The following SYN2 variants were observed in gnomAD, a reference collection of about 807,000 sequenced individuals.
SYN2 encodes synapsin-2.
SYN2 carries 19 observed loss-of-function variants against 50.9 expected under a neutral mutation model. The ratio of observed to expected loss-of-function variants is 0.37; its 90% CI spans 0.26 to 0.55. The LOEUF (loss-of-function observed/expected upper bound fraction) is 0.55, where lower values mean the gene tolerates loss of function less well. SYN2 is among the 20% of genes least tolerant of loss of function. The probability of loss-of-function intolerance (pLI) is 0.81; values close to 1 mark genes in which losing one functional copy is unlikely to be tolerated. For missense variants in SYN2, 587 were observed against 576.4 expected, an observed-to-expected ratio of 1.02 and a Z score of -0.19; for synonymous variants, 255 against 224.9, an observed-to-expected ratio of 1.13 and a Z score of -1.20.
chr3:12,132,079 C>T (rs1696808604), intron 1 of SYN2, among the ~76,000 whole-genome samples: 1 of 139,814 alleles, frequency 7.2e-6, no homozygotes, highest in Admixed American at 7.5e-5. Context: ...ACCATGTTGG[C>T]CAGGCTGCAC....
intron 1 of SYN2, among the ~76,000 whole-genome samples, chr3:12,082,734 C>CT (rs1453728179): frequency 2.6e-5 from 4 of 151,978 alleles, no homozygotes; most frequent in African/African-American, 9.7e-5. Flanking sequence ...ATTATAGTTT[C>CT]TTTTTTTAAA....
intron 1 of SYN2, among the ~76,000 whole-genome samples, chr3:12,121,129 C>G (rs1210081708): frequency 6.6e-6 from 1 of 152,190 alleles, no homozygotes; most frequent in East Asian, 1.9e-4. Flanking sequence ...CTGGCTAGCT[C>G]CTACTTAAAT....
chr3:12,152,196 GTGCATGGCCC>G (rs536576734), intron 5 of SYN2, among the ~76,000 whole-genome samples: 23 of 152,312 alleles, frequency 1.5e-4, no homozygotes, highest in African/African-American at 5.1e-4. Context: ...CTGACACATT[GTGCATGGCCC>G]TGCTCACCAG....
intron 1 of SYN2, among the ~76,000 whole-genome samples, chr3:12,099,997 C>A (rs1239465091): frequency 8.9e-6 from 1 of 111,910 alleles, no homozygotes; most frequent in African/African-American, 3.6e-5. Context: ...GAAGTGCCTA[C>A]AGTGGAAACT....
intron 11 of SYN2, chr3:12,183,682 C>T: frequency 7.6e-7 from 1 of 1,315,912 alleles, no homozygotes; most frequent in Non-Finnish European, 9.7e-7. Flanking sequence ...GGCTGTTTGT[C>T]AACAGTATAC....
chr3:12,135,597 A>T (rs1383422868), intron 1 of SYN2, among the ~76,000 whole-genome samples: 1 of 152,108 alleles, frequency 6.6e-6, no homozygotes, highest in Non-Finnish European at 1.5e-5. Flanking sequence ...GAGGATTTAT[A>T]CTCTAGGCTC....
chr3:12,121,723 A>G (rs1696563248), intron 1 of SYN2, among the ~76,000 whole-genome samples: 1 of 151,462 alleles, frequency 6.6e-6, no homozygotes, highest in African/African-American at 2.4e-5. Context: ...GAAGGGAGGG[A>G]GGAAGGAAGG....
At chr3:12,128,907 G>T (rs1696729129) in intron 1 of SYN2, among the ~76,000 whole-genome samples, 1 of 152,146 alleles carries the variant, frequency 6.6e-6, no homozygotes, top group Admixed American at 6.6e-5. Flanking sequence ...GCACTAACAT[G>T]TACCAGGCAT....
intron 1 of SYN2, among the ~76,000 whole-genome samples, chr3:12,082,235 T>C (rs1443989798): frequency 2.6e-5 from 4 of 152,226 alleles, no homozygotes; most frequent in Non-Finnish European, 5.9e-5. Context: ...AAGGGTGATA[T>C]GTCTACCAGG....
At chr3:12,056,182 T>A (rs76594829) in intron 1 of SYN2, among the ~76,000 whole-genome samples, 7,213 of 151,874 alleles carry the variant, frequency 0.047, 251 homozygotes, top group East Asian at 0.14. Flanking sequence ...TTTTTTTTTT[T>A]AAATAGGCAA....
chr3:12,187,768 T>TGTG (rs1698374681), intron 12 of SYN2, among the ~76,000 whole-genome samples, 156 bp downstream of exon 12: 1 of 149,902 alleles, frequency 6.7e-6, no homozygotes, highest in African/African-American at 2.4e-5. Flanking sequence ...TTTTTGGTTT[T>TGTG]TGTGTGTGTG....
intron 1 of SYN2, among the ~76,000 whole-genome samples, chr3:12,096,539 C>T (rs943366304): frequency 7.2e-5 from 11 of 151,972 alleles, no homozygotes; most frequent in African/African-American, 2.7e-4. Flanking sequence ...ACTTTTGCTA[C>T]TAGATTATAT....
intron 9 of SYN2, among the ~76,000 whole-genome samples, chr3:12,169,556 A>G (rs1249890577): frequency 6.6e-6 from 1 of 152,144 alleles, no homozygotes; most frequent in Admixed American, 6.5e-5. Context: ...GCTTGGGGAA[A>G]AGACCTGAGG....
chr3:12,098,935 A>G (rs994826961), intron 1 of SYN2, among the ~76,000 whole-genome samples: 1 of 150,720 alleles, frequency 6.6e-6, no homozygotes, highest in Non-Finnish European at 1.5e-5. Context: ...ATTAGACAAA[A>G]TAGACATTAG....
chr3:12,146,183 T>C (rs74348264), intron 4 of SYN2, among the ~76,000 whole-genome samples: 17 of 152,238 alleles, frequency 1.1e-4, no homozygotes, highest in Non-Finnish European at 2.1e-4. Context: ...GGCCATAGGC[T>C]GCAATGATAA....
intron 1 of SYN2, among the ~76,000 whole-genome samples, chr3:12,059,809 A>G (rs983195226): frequency 2.0e-5 from 3 of 152,108 alleles, no homozygotes; most frequent in Non-Finnish European, 4.4e-5. Context: ...GGGGGCCCAC[A>G]GGCTCCTCTA....
intron 1 of SYN2, among the ~76,000 whole-genome samples, chr3:12,020,708 C>G (rs1221648804): frequency 6.6e-6 from 1 of 152,284 alleles, no homozygotes; most frequent in Non-Finnish European, 1.5e-5. Context: ...TTTACCTCCT[C>G]TCCCCTTCTT....
chr3:12,019,979 T>TA (rs1232024860), intron 1 of SYN2, among the ~76,000 whole-genome samples: 3 of 152,306 alleles, frequency 2.0e-5, no homozygotes, highest in South Asian at 4.1e-4. Flanking sequence ...CAGGGATAGA[T>TA]AAAAAAATTG....
chr3:12,023,709 G>A (rs1694195906), intron 1 of SYN2, among the ~76,000 whole-genome samples: 1 of 152,192 alleles, frequency 6.6e-6, no homozygotes, highest in Non-Finnish European at 1.5e-5. Flanking sequence ...GGAGTGAGTT[G>A]ATAAGTGCTG....
Sources: allele counts gnomAD v4.1 joint callset (sites outside exome capture counted in the v4.1 genomes callset), GRCh38; gene constraint gnomAD v4.1.1; transcripts MANE v1.5; gene names NCBI Gene and HGNC (gene_info 2026-07-23, HGNC 2026-07-21).